Variants in ZBTB11 observed in about 807,000 individuals in gnomAD.
ZBTB11 encodes the protein zinc finger and BTB domain-containing protein 11.
A neutral mutation model predicts 113.1 loss-of-function variants in ZBTB11; 68 were observed. The ratio of observed to expected loss-of-function variants is 0.60; its 90% CI spans 0.49 to 0.74. The LOEUF is 0.74. Ranked by LOEUF, ZBTB11 falls within the 30% of genes least tolerant of loss-of-function variation. ZBTB11 has a pLI of 0.00. For synonymous variants in ZBTB11, 518 were observed against 452.6 expected, an observed-to-expected ratio of 1.14 and a Z score of -1.83; for missense variants, 1,104 against 1,279.4, an observed-to-expected ratio of 0.86 and a Z score of 2.09.
intron 5 of ZBTB11, among the ~76,000 whole-genome samples, chr3:101,663,032 C>T (rs1936920188): frequency 6.6e-6 from 1 of 151,968 alleles, no homozygotes; most frequent in Non-Finnish European, 1.5e-5. Context: ...CTCCGCCTCC[C>T]GTGTTCAAGC....
In ZBTB11 at chr3:101,650,514, T is replaced by TG. The variant is rs1936683908; in HGVS notation, c.*651dup. On this transcript the variant is annotated 3_prime_UTR_variant, in exon 11 of 11. Transcript: ENST00000312938. The stretch of plus-strand genomic sequence containing the variant: ...ATTTTAAAAATTAGCTATTCATTTA[T>TG]GGGTTCCTCATATAGATAAATATAT... 6.6e-6 allele frequency: 1 copy of TG among 152,636 alleles called. No homozygotes were observed. The highest frequency in any genetic ancestry group is 2.4e-5 in the African/African-American group (1 of 41,462). The allele number at this position is 152,636 out of a possible 1,614,324, so 9.5% of individuals were successfully genotyped here. A position where few individuals can be genotyped will look rare whatever the true frequency, so the allele number is the denominator to read the frequency against.
At chr3:101,655,678 T>C (rs77303126) in intron 7 of ZBTB11, among the ~76,000 whole-genome samples, 4 of 151,426 alleles carry the variant, frequency 2.6e-5, no homozygotes, top group African/African-American at 9.8e-5. Flanking sequence ...TTTTTTTTTT[T>C]GAGACGGATT....
rs752950849 is a variant in ZBTB11 at position 101,665,198 on chromosome 3, C to T, written c.1389G>A (p.Glu463=). 4 of 1,614,172 alleles carry T rather than the reference C, an allele frequency of 2.5e-6. No individual in the cohort carries two copies. Among genetic ancestry groups the T allele is most frequent in the Admixed American group, 1.7e-5 (1 of 60,018 alleles). Residue 463 remains glutamate, a synonymous_variant, in exon 4 of 11, where the codon GAG becomes GAA. Coordinates refer to ENST00000312938, the MANE Select transcript of ZBTB11 (RefSeq NM_014415.4). ...TTGGAATGTCTTCGGCACAAATATC[C>T]TCAGCTGATATATCATTTCCCATAC... ...DSGMGNDISA[E]DICAEDIPKH...
Position 101,650,956 on chromosome 3 carries a change from C to A in ZBTB11, c.*210G>T. 2.3e-6 allele frequency: 1 copy of A among 436,946 alleles called. No homozygotes were observed. Among genetic ancestry groups the A allele is most frequent in the Non-Finnish European group, 4.0e-6 (1 of 250,956 alleles). 27.1% of individuals were successfully genotyped at this position (436,946 alleles called of 1,614,324 possible). A position where few individuals can be genotyped will look rare whatever the true frequency, so the allele number is the denominator to read the frequency against. ...TTGGTGCAAAAGCAATTGCACCAAC[C>A]TAATAGATCTGTTTTCAATTTCTCT... On this transcript the variant is annotated 3_prime_UTR_variant, in exon 11 of 11. Transcript: ENST00000312938.
chr3:101,670,129 T>C (rs900424720), intron 3 of ZBTB11, among the ~76,000 whole-genome samples: 7 of 152,190 alleles, frequency 4.6e-5, no homozygotes, highest in Non-Finnish European at 8.8e-5. Context: ...CGCCTGGCCG[T>C]TATTATTGCT....
intron 6 of ZBTB11, 33 bp from the exon 7 acceptor site, chr3:101,656,281 A>T (rs1258476107): frequency 3.7e-6 from 5 of 1,340,850 alleles, no homozygotes; most frequent in Non-Finnish European, 4.8e-6. Context: ...AAGTCAATAA[A>T]ACAAAAAGGG....
chr3:101,651,680 ACTC>A lies in ZBTB11; in HGVS notation c.2645_2647del (p.Gly882del). ...ACATGTTAAGCACTCAAATGGCTTAACTCCTAAAAAAAAAAAAAAAAAAGCATG... is the reference window on the plus strand; with the variant it reads ...ACATGTTAAGCACTCAAATGGCTTAACTAAAAAAAAAAAAAAAAAAGCATG... On this transcript the variant is annotated inframe_deletion and splice_region_variant, in exon 11 of 11. Coordinates refer to ENST00000312938, the MANE Select transcript of ZBTB11 (RefSeq NM_014415.4). 1 of 1,451,388 alleles carries A rather than the reference ACTC, an allele frequency of 6.9e-7. No individual in the cohort carries two copies. The allele number at this position is 1,451,388 out of a possible 1,614,324, so 89.9% of individuals were successfully genotyped here.
rs149242210 is a variant in ZBTB11 at position 101,656,118 on chromosome 3, A to T, written c.2177T>A (p.Met726Lys). 4.4e-6 allele frequency: 7 copies of T among 1,579,152 alleles called. No individual in the cohort carries two copies. The African/African-American group carries it at 6.9e-5, about 15-fold the overall frequency. ...FVTKRSLQEH[M>K]SIHTGESKYL... ...TTTCTCATTACCTGTGTGAATACTC[A>T]TATGTTCTTGAAGACTCCGTTTGGT... Residue 726 changes from methionine to lysine, a missense_variant, in exon 7 of 11, where the codon ATG (methionine) becomes AAG (lysine). By Grantham distance (95) the Met-to-Lys change is moderately conservative (BLOSUM62 -1). Transcript: ENST00000312938.
At chr3:101,667,086 C>T (rs566519896) in intron 3 of ZBTB11, among the ~76,000 whole-genome samples, 1 of 152,268 alleles carries the variant, frequency 6.6e-6, no homozygotes, top group African/African-American at 2.4e-5. Flanking sequence ...CAGGCCCTTG[C>T]TCTGTCATCC....
In ZBTB11 at chr3:101,676,935, G is replaced by A; in HGVS notation, c.-21C>T. 2.6e-6 allele frequency: 4 copies of A among 1,546,092 alleles called. No individual in the cohort carries two copies. The highest frequency in any genetic ancestry group is 1.2e-5 in the South Asian group (1 of 82,200). ...GACATCGCGGACCGCGGCTCCCTGAGGGCGCCTGTCAGGGACAGGTGAGGA... is the reference window on the plus strand; with the variant it reads ...GACATCGCGGACCGCGGCTCCCTGAAGGCGCCTGTCAGGGACAGGTGAGGA... On this transcript the variant is annotated 5_prime_UTR_variant, in exon 1 of 11. Coordinates refer to ENST00000312938, the MANE Select transcript of ZBTB11 (RefSeq NM_014415.4).
At chr3:101,672,303 T>C (rs1390792511) in intron 1 of ZBTB11, 90 bp from the exon 2 acceptor site, 2 of 839,662 alleles carry the variant, frequency 2.4e-6, no homozygotes, top group Non-Finnish European at 3.7e-6. Flanking sequence ...CACATTTCAG[T>C]ACATATGTGC....
chr3:101,666,291 C>T (rs1252479391), intron 3 of ZBTB11, among the ~76,000 whole-genome samples: 1 of 152,062 alleles, frequency 6.6e-6, no homozygotes, highest in African/African-American at 2.4e-5. Context: ...AAAAACAATA[C>T]CTAAGGGAGA....
At chr3:101,676,376 C>G in intron 1 of ZBTB11, 1 of 431,236 alleles carries the variant, frequency 2.3e-6, no homozygotes, top group Non-Finnish European at 4.0e-6. Flanking sequence ...GGGGAAGCCC[C>G]CTTGGTCCCA....
At position 101,658,631 on chromosome 3, in the gene ZBTB11, G is replaced by A. The variant is rs540290837; in HGVS notation, c.2046+1152C>T. Among the ~76,000 whole-genome samples, 44 of 152,212 alleles carry A rather than the reference G, an allele frequency of 2.9e-4. No homozygotes were observed. In the South Asian group the frequency reaches 7.5e-3, roughly 26 times the overall value. On this transcript the variant is annotated intron_variant, in intron 6 of 10. Coordinates refer to ENST00000312938, the MANE Select transcript of ZBTB11 (RefSeq NM_014415.4). ...CACCACCTCCCAGGTTCAAATGACC[G>A]GAGACCACTACTCTAAATGAAGTAA...
At position 101,672,079 on chromosome 3, in the gene ZBTB11, T is replaced by C. The variant is rs1937094833; in HGVS notation, c.445A>G (p.Ser149Gly). The C allele has an allele frequency of 6.2e-7, 1 of 1,614,200 alleles. No homozygotes were observed. The highest frequency in any genetic ancestry group is 1.1e-5 in the South Asian group (1 of 91,086). ...CTCAGGTCATCTTCCGATTCATTAC[T>C]TTCTTCTCCAGATTCAAGGTCTAGT... is the stretch of plus-strand genomic sequence containing the variant. ...LGLDLESGEE[S>G]NESEDDLSNF... Residue 149 changes from serine (S) to glycine (G), a missense_variant, in exon 2 of 11, where the codon AGT becomes GGT. Ser to Gly is a moderately conservative substitution (Grantham distance 56). This residue lies in a region of ZBTB11 where 245 missense variants were observed against 272.5 expected (regional missense o/e 0.90). Transcript: ENST00000312938.
chr3:101,653,006 T>C, intron 8 of ZBTB11, 68 bp from the exon 9 acceptor site: 1 of 1,500,710 alleles, frequency 6.7e-7, no homozygotes, highest in South Asian at 1.4e-5. Context: ...AAGAACTCAG[T>C]AACTATTTTT....
At chr3:101,664,748 T>C (rs372641251) in intron 4 of ZBTB11, 34 bp from the exon 5 acceptor site, 4 of 1,542,120 alleles carry the variant, frequency 2.6e-6, no homozygotes, top group Non-Finnish European at 3.5e-6. Context: ...TCTAAGTAAA[T>C]CTACTCAATT....
Position 101,660,373 on chromosome 3 carries a change from T to TG in ZBTB11, c.1801-346dup, listed in dbSNP as rs530786448. ...GGCTGGAAATAGAAAGGTAAGGCTG[T>TG]GATTGATGGTCCTTGGATTTTATCT... On this transcript the variant is annotated intron_variant, in intron 5 of 10. Coordinates refer to ENST00000312938, the MANE Select transcript of ZBTB11 (RefSeq NM_014415.4). 1.7e-4 allele frequency among the ~76,000 whole-genome samples: 26 copies of TG among 152,326 alleles called. No individual in the cohort carries two copies. In the South Asian group the frequency reaches 2.3e-3, roughly 13 times the overall value.
chr3:101,676,690 G>T lies in ZBTB11; in HGVS notation c.225C>A (p.Ile75=), dbSNP rs1479453053. 5 of 1,598,162 alleles carry T rather than the reference G, an allele frequency of 3.1e-6. No homozygotes were observed. Among genetic ancestry groups the T allele is most frequent in the Non-Finnish European group, 4.3e-6 (5 of 1,171,856 alleles). ...VLQPERRRDL[I]EAAHLGPGGT... ...CGCCGGGACCCAGGTGCGCCGCCTC[G>T]ATGAGGTCCCGGCGTCGCTCCGGCT... Residue 75 remains isoleucine (I), a synonymous_variant, in exon 1 of 11, where the codon ATC becomes ATA. Transcript: ENST00000312938.
Sources: allele counts gnomAD v4.1 joint callset (sites outside exome capture counted in the v4.1 genomes callset), GRCh38; gene constraint gnomAD v4.1.1; regional missense constraint gnomAD v4.1.1; transcripts MANE v1.5; gene names NCBI Gene and HGNC (gene_info 2026-07-23, HGNC 2026-07-21).